Variants in AGMO observed in about 807,000 individuals in gnomAD.
AGMO encodes the protein alkylglycerol monooxygenase, also known as glyceryl-ether monooxygenase.
In AGMO, 75 loss-of-function variants were observed where a neutral mutation model predicts 60.2. The observed-to-expected ratio is 1.25, with a 90% CI of 1.03 to 1.51. AGMO has a LOEUF of 1.51. Among genes scored for constraint, AGMO ranks in the 40% most tolerant of loss-of-function variants. The probability of loss-of-function intolerance (pLI) is 0.00; values close to 1 mark genes in which losing one functional copy is unlikely to be tolerated. For missense variants in AGMO, 763 were observed against 525.5 expected (o/e 1.45, Z -4.42); for synonymous variants, 261 against 177.1 (o/e 1.47, Z -3.76).
At chr7:15,143,649 C>T in the AGMO span, among the ~76,000 whole-genome samples, 35 of 150,978 alleles carry the variant, frequency 2.3e-4, no homozygotes, top group Non-Finnish European at 3.8e-4. Context: ...GATGAGCAGA[C>T]GGAGTTGGCA....
chr7:15,229,330 C>T (rs546449632), intron 12 of AGMO, among the ~76,000 whole-genome samples: 1 of 151,912 alleles, frequency 6.6e-6, no homozygotes, highest in Non-Finnish European at 1.5e-5. Context: ...AGTGTTCATA[C>T]TACTAGGGAT....
At position 15,518,230 on chromosome 7, in the gene AGMO, G is replaced by C. The variant is rs1783876506; in HGVS notation, c.409+26542C>G. 3.3e-5 allele frequency among the ~76,000 whole-genome samples: 5 copies of C among 152,166 alleles called. No individual in the cohort carries two copies. The South Asian group carries it at 1.0e-3, about 32-fold the overall frequency. ...GACAGAGCACCTGGGGGAAGGGGCAGCTGTGGGCGCAGCTTCAACAGACTT... is the reference window on the plus strand; with the variant it reads ...GACAGAGCACCTGGGGGAAGGGGCACCTGTGGGCGCAGCTTCAACAGACTT... On this transcript the variant is annotated intron_variant, in intron 3 of 12. Transcript: ENST00000342526.
intron 12 of AGMO, among the ~76,000 whole-genome samples, chr7:15,248,197 T>TAC (rs1782814513): frequency 8.5e-5 from 7 of 82,614 alleles, no homozygotes; most frequent in Admixed American, 3.6e-4. Context: ...TATATATATA[T>TAC]ATATATATAT....
chr7:15,421,304 T>C (rs1182500270), intron 4 of AGMO, among the ~76,000 whole-genome samples: 2 of 151,942 alleles, frequency 1.3e-5, no homozygotes, highest in African/African-American at 4.8e-5. Flanking sequence ...CATCAGCGAG[T>C]CTTCGGTATG....
At chr7:15,274,185 G>C (rs147792626) in intron 12 of AGMO, among the ~76,000 whole-genome samples, 96 of 152,048 alleles carry the variant, frequency 6.3e-4, no homozygotes, top group African/African-American at 1.9e-3. Context: ...GAGAGAGGGC[G>C]TCCCTGTCTT....
intron 3 of AGMO, among the ~76,000 whole-genome samples, chr7:15,539,878 G>A (rs1387160609): frequency 6.6e-6 from 1 of 151,864 alleles, no homozygotes; most frequent in Non-Finnish European, 1.5e-5. Context: ...TTTCATTTCT[G>A]TAATGATTAG....
intron 3 of AGMO, among the ~76,000 whole-genome samples, chr7:15,448,374 C>A (rs2128504533): frequency 6.6e-6 from 1 of 152,194 alleles, no homozygotes; most frequent in African/African-American, 2.4e-5. Flanking sequence ...ATCTATGGAC[C>A]AGGAAGTGGG....
At chr7:15,152,793 T>C in the AGMO span, among the ~76,000 whole-genome samples, 2 of 152,196 alleles carry the variant, frequency 1.3e-5, no homozygotes, top group South Asian at 4.1e-4. Context: ...CAAACTATGC[T>C]GCTATAAAGG....
intron 12 of AGMO, among the ~76,000 whole-genome samples, chr7:15,348,592 T>G (rs1456708269): frequency 2.0e-5 from 3 of 152,122 alleles, no homozygotes. Context: ...TTTGGCTAAT[T>G]TCTTTCCATT....
At chr7:15,161,455 C>T in the AGMO span, among the ~76,000 whole-genome samples, 2 of 151,814 alleles carry the variant, frequency 1.3e-5, no homozygotes, top group Admixed American at 6.6e-5. Context: ...GACACACACA[C>T]ACATACATAT....
At chr7:15,451,756 T>C (rs964001056) in intron 3 of AGMO, among the ~76,000 whole-genome samples, 1 of 151,846 alleles carries the variant, frequency 6.6e-6, no homozygotes, top group African/African-American at 2.4e-5. Flanking sequence ...AATTGGGAAG[T>C]CCCTAGGATC....
At chr7:15,136,272 C>T in the AGMO span, among the ~76,000 whole-genome samples, 2 of 152,110 alleles carry the variant, frequency 1.3e-5, no homozygotes, top group Admixed American at 1.3e-4. Flanking sequence ...GGATTACAGG[C>T]ATGAGCCACC....
At chr7:15,162,313 A>T in the AGMO span, among the ~76,000 whole-genome samples, 1 of 152,134 alleles carries the variant, frequency 6.6e-6, no homozygotes. Flanking sequence ...AATAATTTGC[A>T]AACAGTTTAC....
At chr7:15,372,318 G>A (rs1253726944) in intron 10 of AGMO, among the ~76,000 whole-genome samples, 2 of 152,046 alleles carry the variant, frequency 1.3e-5, no homozygotes, top group Admixed American at 6.6e-5. Context: ...AGGCATGGTG[G>A]CACACACCTG....
At chr7:15,304,822 A>G (rs1315334305) in intron 12 of AGMO, among the ~76,000 whole-genome samples, 1 of 152,066 alleles carries the variant, frequency 6.6e-6, no homozygotes, top group East Asian at 1.9e-4. Context: ...ACCATCATAT[A>G]TTCTCATGAA....
At chr7:15,248,935 T>C (rs1782849533) in intron 12 of AGMO, among the ~76,000 whole-genome samples, 2 of 152,200 alleles carry the variant, frequency 1.3e-5, no homozygotes, top group African/African-American at 4.8e-5. Context: ...CTAAGTTCTT[T>C]CTTTGATAAA....
intron 3 of AGMO, among the ~76,000 whole-genome samples, chr7:15,462,523 C>A (rs1782169308): frequency 1.3e-5 from 2 of 152,098 alleles, no homozygotes; most frequent in Non-Finnish European, 2.9e-5. Context: ...TAAGCCTTCA[C>A]TACTGAACTC....
the AGMO span, among the ~76,000 whole-genome samples, chr7:15,126,460 T>G: frequency 7.9e-5 from 12 of 152,098 alleles, no homozygotes; most frequent in African/African-American, 2.7e-4. Context: ...ATAAAGAATG[T>G]GTACTCCTGA....
At chr7:15,354,496 G>GTATATATA (rs60044874) in intron 12 of AGMO, among the ~76,000 whole-genome samples, 11 of 18,784 alleles carry the variant, frequency 5.9e-4, no homozygotes, top group Non-Finnish European at 9.2e-4. Context: ...ATACACACGT[G>GTATATATA]TATATATATA....
Sources: gnomAD v4.1 joint callset for allele counts (sites outside exome capture counted in the v4.1 genomes callset) on GRCh38, gnomAD v4.1.1 for gene constraint, MANE v1.5 for transcripts, NCBI Gene and HGNC (gene_info 2026-07-23, HGNC 2026-07-21) for gene names.